UBN1: variants seen among roughly 807,000 people sequenced by gnomAD.
The protein encoded by UBN1 is ubinuclein 1.
UBN1 carries 17 observed loss-of-function variants against 108.5 expected under a neutral mutation model. That is an observed-to-expected ratio of 0.16 (90% confidence interval 0.11 to 0.24). The LOEUF (loss-of-function observed/expected upper bound fraction) is 0.24. Among genes scored for constraint, UBN1 ranks in the 10% least tolerant of loss-of-function variants. UBN1 has a pLI of 1.00. For synonymous variants in UBN1, 726 were observed against 564.2 expected, an observed-to-expected ratio of 1.29 and a Z score of -4.07; for missense variants, 1,595 against 1,394.4, an observed-to-expected ratio of 1.14 and a Z score of -2.29.
chr16:4,868,806 C>T (rs373442649), intron 7 of UBN1, 27 bp from the exon 8 acceptor site: 126 of 1,611,250 alleles, frequency 7.8e-5, no homozygotes, highest in East Asian at 3.6e-4. Flanking sequence ...AGTGCACTAA[C>T]GGCTGTTACT....
In UBN1 at chr16:4,848,031, C is replaced by G. The variant is rs1391695330; in HGVS notation, c.-219C>G. 1 of 152,360 alleles carries G rather than the reference C, an allele frequency of 6.6e-6. No homozygotes were observed. The highest frequency in any genetic ancestry group is 1.5e-5 in the Non-Finnish European group (1 of 68,258). 9.4% of individuals were successfully genotyped at this position (152,360 alleles called of 1,614,324 possible). A position where few individuals can be genotyped will look rare whatever the true frequency, so the allele number is the denominator to read the frequency against. ...CTTCGCTTCCTCCTGGGCCGGCGCG[C>G]GGCGCGGCACACCAGGCTCCCCTGG... On this transcript the variant is annotated 5_prime_UTR_variant, in exon 1 of 18. Transcript: ENST00000262376.
chr16:4,879,454 A>ATTTT (rs1289449669), intron 17 of UBN1, among the ~76,000 whole-genome samples: 7 of 152,216 alleles, frequency 4.6e-5, no homozygotes, highest in Non-Finnish European at 1.0e-4. Context: ...CATCTCTAAA[A>ATTTT]AAATTTTTTT....
rs1478556229 is a variant in UBN1, at chr16:4,870,214, T to C, written c.1184T>C (p.Ile395Thr). 4.3e-6 allele frequency: 7 copies of C among 1,614,126 alleles called. No homozygotes were observed. Among genetic ancestry groups the C allele is most frequent in the African/African-American group, 4.0e-5 (3 of 74,958 alleles). The change falls in exon 9 of 18, where the codon ATA becomes ACA. Residue 395 changes from isoleucine (I) to threonine (T), a missense_variant and splice_region_variant. Transcript: ENST00000262376. ...GGTGACTGTGTTTTGTTCTTCAGCA[T>C]AGAGGCGCAGACTCGGGAGCTGAGC... ...TQDINGILLD[I>T]EAQTRELSSQ...
At chr16:4,871,427 A>C in intron 12 of UBN1, 126 bp downstream of exon 12, 404 of 1,336,778 alleles carry the variant, frequency 3.0e-4, no homozygotes, top group Non-Finnish European at 3.7e-4. Flanking sequence ...CTCTGATCTC[A>C]CCTGAGTAAC....
rs1253749771 is a variant in UBN1 at position 4,881,032 on chromosome 16, C to T, written c.*900C>T. ...CACATCATTATCTGTGCCGTCCTGACTAGAAGGTTGTCTGGGCCCCCAAAT... is the reference window on the plus strand; with the variant it reads ...CACATCATTATCTGTGCCGTCCTGATTAGAAGGTTGTCTGGGCCCCCAAAT... On this transcript the variant is annotated 3_prime_UTR_variant, in exon 18 of 18. Coordinates refer to ENST00000262376, the MANE Select transcript of UBN1 (RefSeq NM_001079514.3). 1 of 152,478 alleles carries T rather than the reference C, an allele frequency of 6.6e-6. No homozygotes were observed. The highest frequency in any genetic ancestry group is 2.4e-5 in the African/African-American group (1 of 41,442). 9.4% of individuals were successfully genotyped at this position (152,478 alleles called of 1,614,324 possible). A position where few individuals can be genotyped will look rare whatever the true frequency, so the allele number is the denominator to read the frequency against.
chr16:4,850,055 A>G (rs1041117303), intron 1 of UBN1, among the ~76,000 whole-genome samples: 2 of 151,902 alleles, frequency 1.3e-5, no homozygotes, highest in African/African-American at 2.4e-5. Flanking sequence ...GCATTCAAAC[A>G]TGTTTGAACT....
chr16:4,876,199 C>G (rs993845980), intron 15 of UBN1, among the ~76,000 whole-genome samples: 2 of 152,094 alleles, frequency 1.3e-5, no homozygotes, highest in African/African-American at 2.4e-5. Context: ...ACCTCGTGAT[C>G]TGCCCGCCTC....
intron 2 of UBN1, among the ~76,000 whole-genome samples, chr16:4,855,689 C>T (rs551673941): frequency 2.0e-5 from 3 of 150,866 alleles, no homozygotes; most frequent in Non-Finnish European, 4.4e-5. Context: ...GTGGCCGAGG[C>T]AGGCGGATCA....
chr16:4,872,352 C>G, intron 12 of UBN1: 1 of 984,732 alleles, frequency 1.0e-6, no homozygotes, highest in Non-Finnish European at 1.2e-6. Context: ...CATACATTTT[C>G]TTGGTAAAGG....
chr16:4,871,618 G>A lies in UBN1; in HGVS notation c.1706+317G>A, dbSNP rs569284834. On this transcript the variant is annotated intron_variant, in intron 12 of 17. Transcript: ENST00000262376. ...TTTTTTTTTTTTGAGATGGAGTCTC[G>A]CTCTGTTGCCTGGGCTGGAGTGCAG... 7.7e-5 allele frequency among the ~76,000 whole-genome samples: 9 copies of A among 117,088 alleles called. No individual in the cohort carries two copies. In the South Asian group the frequency reaches 8.1e-4, roughly 11 times the overall value. The allele number at this position is 117,088 out of a possible 152,430, so 76.8% of individuals were successfully genotyped here.
chr16:4,875,981 C>T (rs1218144454), intron 15 of UBN1, among the ~76,000 whole-genome samples: 8 of 139,128 alleles, frequency 5.8e-5, no homozygotes, highest in African/African-American at 1.1e-4. Context: ...TTTTTTGAGA[C>T]GAAGTCTTGC....
intron 9 of UBN1, 42 bp from the exon 10 acceptor site, chr16:4,870,474 C>T (rs548669495): frequency 2.8e-5 from 45 of 1,613,096 alleles, no homozygotes; most frequent in East Asian, 1.6e-4. Context: ...AGCGTAAGAG[C>T]GATGTGTAAA....
Position 4,871,299 on chromosome 16 carries a change from C to T in UBN1, c.1704C>T (p.Ala568=), listed in dbSNP as rs555762392. The change falls in exon 12 of 18, where the codon GCC becomes GCT. Residue 568 remains alanine (A), a splice_region_variant and synonymous_variant. Transcript: ENST00000262376. ...TCTGGCCCAAAGGCTGGATGCAGGC[C>T]AGGTGAGGGCCGTGTGCTGAGATGG... ...KPLWPKGWMQ[A]RTLFKESRRG... 2 of 1,613,592 alleles carry T rather than the reference C, an allele frequency of 1.2e-6. No individual in the cohort carries two copies. The highest frequency in any genetic ancestry group is 1.3e-5 in the African/African-American group (1 of 75,026).
chr16:4,866,155 G>A (rs1367082804), intron 7 of UBN1, among the ~76,000 whole-genome samples: 1 of 152,088 alleles, frequency 6.6e-6, no homozygotes, highest in Non-Finnish European at 1.5e-5. Context: ...TTTTTTCCCA[G>A]ACTAATATAA....
chr16:4,854,510 A>AT (rs56951085), intron 2 of UBN1, among the ~76,000 whole-genome samples: 2,389 of 131,372 alleles, frequency 0.018, 54 homozygotes, highest in African/African-American at 0.059. Flanking sequence ...CGCCTGGCTA[A>AT]TTTTTTTTTT....
intron 6 of UBN1, 37 bp downstream of exon 6, chr16:4,860,005 G>T: frequency 6.2e-7 from 1 of 1,612,472 alleles, no homozygotes; most frequent in South Asian, 1.1e-5. Context: ...GATAAAGCCT[G>T]AACTGTTAGG....
At chr16:4,855,075 G>A (rs894569954) in intron 2 of UBN1, among the ~76,000 whole-genome samples, 2 of 152,178 alleles carry the variant, frequency 1.3e-5, no homozygotes, top group Admixed American at 1.3e-4. Context: ...GCTAGGCTCT[G>A]AGGAAAAGGT....
In UBN1 at chr16:4,859,836, T is replaced by C. The variant is rs777331427; in HGVS notation, c.568-29T>C. The C allele has an allele frequency of 2.5e-5, 41 of 1,612,978 alleles. No homozygotes were observed. The South Asian group carries it at 4.0e-4, about 16-fold the overall frequency. ...ACTTGCTCCCTGAGTTAGGGAGCCG[T>C]GTAACTGTGCCTTGTCTTTAATTCT... is the stretch of plus-strand genomic sequence containing the variant. On this transcript the variant is annotated intron_variant, in intron 5 of 17. Transcript: ENST00000262376.
In UBN1 at chr16:4,862,778, C is replaced by T. The variant is rs141801354; in HGVS notation, c.1110+1676C>T. ...TTTAGTGGCAACAGAATGACATAACCGGAAACAATGTTGGGCTGTGGTGCA... is the reference window on the plus strand; with the variant it reads ...TTTAGTGGCAACAGAATGACATAACTGGAAACAATGTTGGGCTGTGGTGCA... On this transcript the variant is annotated intron_variant, in intron 7 of 17. Transcript: ENST00000262376. Among the ~76,000 whole-genome samples, 5 of 152,292 alleles carry T rather than the reference C, an allele frequency of 3.3e-5. No homozygotes were observed. The South Asian group carries it at 6.2e-4, about 19-fold the overall frequency.
Sources: gnomAD v4.1 joint callset for allele counts (sites outside exome capture counted in the v4.1 genomes callset) on GRCh38, gnomAD v4.1.1 for gene constraint, MANE v1.5 for transcripts, NCBI Gene and HGNC (gene_info 2026-07-23, HGNC 2026-07-21) for gene names.